SLC14A2: variants seen among roughly 807,000 people sequenced by gnomAD.
SLC14A2 encodes the protein urea transporter 2.
A neutral mutation model predicts 104.6 loss-of-function variants in SLC14A2; 91 were observed. That is an observed-to-expected ratio of 0.87 (90% CI 0.73 to 1.04). SLC14A2 has a LOEUF of 1.04. Among genes scored for constraint, SLC14A2 ranks in the 50% least tolerant of loss-of-function variants. The pLI is 0.00. For missense variants in SLC14A2, 1,189 were observed against 1,156.0 expected, an observed-to-expected ratio of 1.03 and a Z score of -0.41; for synonymous variants, 476 against 466.4, an observed-to-expected ratio of 1.02 and a Z score of -0.27.
chr18:45,193,474 T>C, the SLC14A2 span, among the ~76,000 whole-genome samples: 10 of 152,202 alleles, frequency 6.6e-5, no homozygotes, highest in Admixed American at 2.0e-4. Context: ...CTAGGAAATA[T>C]CATCTTTCCA....
intron 1 of SLC14A2, among the ~76,000 whole-genome samples, chr18:45,307,456 C>A (rs71356486): frequency 4.2e-4 from 60 of 143,726 alleles, no homozygotes; most frequent in Admixed American, 6.2e-4. Flanking sequence ...AAAAAACCAA[C>A]AACAACAAAA....
intron 1 of SLC14A2, among the ~76,000 whole-genome samples, chr18:45,390,133 T>G (rs2085944331): frequency 6.6e-6 from 1 of 152,220 alleles, no homozygotes; most frequent in South Asian, 2.1e-4. Flanking sequence ...ATGCTTATTC[T>G]GCCTGCACGC....
At chr18:45,477,371 G>C (rs530156845) in intron 1 of SLC14A2, among the ~76,000 whole-genome samples, 1 of 152,132 alleles carries the variant, frequency 6.6e-6, no homozygotes, top group Non-Finnish European at 1.5e-5. Context: ...TCCCAGGGGG[G>C]TACCCACAAG....
intron 1 of SLC14A2, among the ~76,000 whole-genome samples, chr18:45,451,269 CTG>C (rs1340239382): frequency 6.6e-6 from 1 of 151,876 alleles, no homozygotes; most frequent in African/African-American, 2.4e-5. Flanking sequence ...TGCTGAAAGC[CTG>C]TCCCTAAGAG....
intron 1 of SLC14A2, among the ~76,000 whole-genome samples, chr18:45,462,909 A>G: frequency 6.6e-6 from 1 of 152,200 alleles, no homozygotes; most frequent in East Asian, 1.9e-4. Context: ...CACTCAATAT[A>G]TGGCCTCTAT....
chr18:45,406,194 A>C (rs1422436503), intron 1 of SLC14A2, among the ~76,000 whole-genome samples: 1 of 152,234 alleles, frequency 6.6e-6, no homozygotes, highest in Non-Finnish European at 1.5e-5. Context: ...TAAGTTTATG[A>C]AATATTCTAA....
chr18:45,417,787 A>C (rs553794796), intron 1 of SLC14A2, among the ~76,000 whole-genome samples: 2 of 152,334 alleles, frequency 1.3e-5, no homozygotes, highest in African/African-American at 4.8e-5. Flanking sequence ...CTTAAAAAAA[A>C]ATCTCAAATG....
At chr18:45,219,629 C>T (rs549578062) in intron 1 of SLC14A2, among the ~76,000 whole-genome samples, 5 of 152,310 alleles carry the variant, frequency 3.3e-5, no homozygotes, top group Non-Finnish European at 7.3e-5. Flanking sequence ...TCCTTGTTTT[C>T]GTGCCTCTGA....
At chr18:45,576,539 T>A (rs1000279355) in intron 2 of SLC14A2, among the ~76,000 whole-genome samples, 2 of 151,652 alleles carry the variant, frequency 1.3e-5, no homozygotes, top group African/African-American at 4.9e-5. Context: ...TGCCTCGGCC[T>A]CCCAAAGTGC....
chr18:45,230,831 G>C (rs2084167484), intron 1 of SLC14A2, among the ~76,000 whole-genome samples: 1 of 152,196 alleles, frequency 6.6e-6, no homozygotes, highest in Non-Finnish European at 1.5e-5. Context: ...GTTCCAAAGA[G>C]CTGGTTGTTG....
At chr18:45,398,215 T>C (rs1039865382) in intron 1 of SLC14A2, among the ~76,000 whole-genome samples, 1 of 152,196 alleles carries the variant, frequency 6.6e-6, no homozygotes, top group African/African-American at 2.4e-5. Flanking sequence ...TTTCTGAGTC[T>C]AAAGCTCTTG....
chr18:45,461,247 T>C (rs910660593), intron 1 of SLC14A2, among the ~76,000 whole-genome samples: 2 of 152,196 alleles, frequency 1.3e-5, no homozygotes, highest in African/African-American at 4.8e-5. Flanking sequence ...TTGTATTGCA[T>C]TGGGAAAACT....
At chr18:45,388,149 C>T (rs1436243543) in intron 1 of SLC14A2, among the ~76,000 whole-genome samples, 1 of 137,048 alleles carries the variant, frequency 7.3e-6, no homozygotes, top group Admixed American at 8.4e-5. Flanking sequence ...GATCTCGGCT[C>T]ACTGCAAGCT....
intron 1 of SLC14A2, among the ~76,000 whole-genome samples, chr18:45,356,711 C>T (rs567335051): frequency 2.0e-5 from 3 of 152,252 alleles, no homozygotes; most frequent in East Asian, 1.9e-4. Flanking sequence ...ACATGGCTGG[C>T]GGTTACTAGA....
intron 1 of SLC14A2, among the ~76,000 whole-genome samples, chr18:45,337,638 T>C (rs931456173): frequency 1.3e-5 from 2 of 152,214 alleles, no homozygotes; most frequent in African/African-American, 4.8e-5. Flanking sequence ...CTTTGGAATT[T>C]AGGCAGAGCT....
At chr18:45,317,667 C>T (rs988992336) in intron 1 of SLC14A2, among the ~76,000 whole-genome samples, 19 of 152,156 alleles carry the variant, frequency 1.2e-4, no homozygotes, top group African/African-American at 4.3e-4. Flanking sequence ...ACATGAAACT[C>T]GAAAATCACC....
intron 1 of SLC14A2, among the ~76,000 whole-genome samples, chr18:45,468,206 G>A (rs1472120433): frequency 2.0e-5 from 3 of 152,144 alleles, no homozygotes; most frequent in African/African-American, 7.2e-5. Context: ...TTCTCCAGGG[G>A]CTGGTGGGGC....
intron 1 of SLC14A2, among the ~76,000 whole-genome samples, chr18:45,335,957 C>G (rs529548972): frequency 2.2e-4 from 34 of 152,124 alleles, no homozygotes; most frequent in Non-Finnish European, 3.8e-4. Flanking sequence ...GGGGCGATAA[C>G]GAGGAGAAAA....
chr18:45,211,006 A>G (rs1463179795), upstream of SLC14A2, among the ~76,000 whole-genome samples: 1 of 152,222 alleles, frequency 6.6e-6, no homozygotes, highest in Non-Finnish European at 1.5e-5. Context: ...AAATTTTATT[A>G]CTAAAGGCAA....
Sources: allele counts gnomAD v4.1 joint callset (sites outside exome capture counted in the v4.1 genomes callset), GRCh38; gene constraint gnomAD v4.1.1; transcripts MANE v1.5; gene names NCBI Gene and HGNC (gene_info 2026-07-23, HGNC 2026-07-21).